Variants in CEP128 observed in about 807,000 individuals in gnomAD.
The protein encoded by CEP128 is centrosomal protein 128kDa.
Under a neutral mutation model 156.7 loss-of-function variants are expected in CEP128, and 132 were observed. The observed-to-expected ratio is 0.84, with a 90% confidence interval of 0.73 to 0.97. CEP128 has a LOEUF of 0.97. CEP128 is among the 50% of genes least tolerant of loss of function. The pLI is 0.00. For missense variants in CEP128, 1,252 were observed against 1,281.9 expected, an observed-to-expected ratio of 0.98 and a Z score of 0.36; for synonymous variants, 469 against 448.9, an observed-to-expected ratio of 1.04 and a Z score of -0.57.
At chr14:80,482,147 A>G (rs1297643078) in intron 14 of CEP128, among the ~76,000 whole-genome samples, 2 of 152,152 alleles carry the variant, frequency 1.3e-5, no homozygotes, top group Admixed American at 1.3e-4. Context: ...TTCACTAAAT[A>G]TTGACATTTA....
At chr14:80,702,222 G>A (rs893634321) in intron 19 of CEP128, among the ~76,000 whole-genome samples, 1 of 152,036 alleles carries the variant, frequency 6.6e-6, no homozygotes, top group Admixed American at 6.6e-5. Flanking sequence ...TTCTAGTTTC[G>A]AAAATAGAGC....
intron 14 of CEP128, among the ~76,000 whole-genome samples, chr14:80,483,844 G>C (rs898183944): frequency 6.6e-6 from 1 of 152,128 alleles, no homozygotes; most frequent in African/African-American, 2.4e-5. Flanking sequence ...TGCTTTCTAG[G>C]TACCATTAGT....
intron 9 of CEP128, among the ~76,000 whole-genome samples, chr14:80,856,715 CTTTTCTTTTTTTTT>C (rs904096745): frequency 4.1e-5 from 3 of 73,204 alleles, no homozygotes; most frequent in African/African-American, 1.6e-4. Flanking sequence ...TCATGTTTTT[CTTTTCTTTTTTTTT>C]TTTTTTTTTT....
intron 21 of CEP128, among the ~76,000 whole-genome samples, chr14:80,539,177 G>C (rs1889624841): frequency 6.6e-6 from 1 of 152,194 alleles, no homozygotes; most frequent in South Asian, 2.1e-4. Flanking sequence ...AAATGGGAGA[G>C]AAACTAACAT....
intron 6 of CEP128, among the ~76,000 whole-genome samples, chr14:80,901,447 T>C (rs1398817103): frequency 3.3e-5 from 5 of 152,322 alleles, no homozygotes; most frequent in East Asian, 1.9e-4. Context: ...GAGAAGTGGC[T>C]CAAAATCTGA....
intron 19 of CEP128, among the ~76,000 whole-genome samples, chr14:80,622,836 T>C (rs1259268627): frequency 5.4e-5 from 8 of 148,706 alleles, no homozygotes; most frequent in African/African-American, 9.9e-5. Flanking sequence ...TGTGGAGAAA[T>C]AGGAACACTT....
At chr14:80,862,543 A>G (rs534672666) in intron 9 of CEP128, among the ~76,000 whole-genome samples, 164 of 152,330 alleles carry the variant, frequency 1.1e-3, no homozygotes, top group Non-Finnish European at 1.5e-3. Flanking sequence ...ACTAGCGCCT[A>G]GAGAAGTTAA....
intron 14 of CEP128, among the ~76,000 whole-genome samples, chr14:80,786,749 G>C (rs1323705668): frequency 1.3e-5 from 2 of 152,182 alleles, no homozygotes; most frequent in Non-Finnish European, 2.9e-5. Context: ...CAAAAAGTTG[G>C]AGTAGAATTT....
intron 19 of CEP128, among the ~76,000 whole-genome samples, chr14:80,613,694 C>T (rs1893100319): frequency 6.6e-6 from 1 of 152,026 alleles, no homozygotes; most frequent in Non-Finnish European, 1.5e-5. Context: ...TCCCCATCTC[C>T]CTATATGTAC....
chr14:80,762,174 T>C lies in CEP128; in HGVS notation c.2377-561A>G, dbSNP rs1200536285. Reference sequence around the variant, plus strand: ...TGATAAAAGAAAGATGAAGGTACTTTTCATCTTGTCATTATATACTTAAAG... The same window carrying C: ...TGATAAAAGAAAGATGAAGGTACTTCTCATCTTGTCATTATATACTTAAAG... On this transcript the variant is annotated intron_variant, in intron 16 of 24. Transcript: ENST00000555265. 2.6e-5 allele frequency among the ~76,000 whole-genome samples: 4 copies of C among 152,186 alleles called. No individual in the cohort carries two copies. In the East Asian group the frequency reaches 7.7e-4, roughly 29 times the overall value.
At chr14:80,663,266 A>C (rs1328314399) in intron 19 of CEP128, among the ~76,000 whole-genome samples, 1 of 152,154 alleles carries the variant, frequency 6.6e-6, no homozygotes, top group East Asian at 1.9e-4. Flanking sequence ...ATGTCCACAA[A>C]TATTTTATTG....
At chr14:80,931,346 A>G (rs1160136268) in intron 2 of CEP128, among the ~76,000 whole-genome samples, 1 of 152,190 alleles carries the variant, frequency 6.6e-6, no homozygotes, top group African/African-American at 2.4e-5. Flanking sequence ...TCCATGGAGA[A>G]ATGCTGGGTA....
rs371991770 is a variant in CEP128 at position 80,767,937 on chromosome 14, T to C, written c.2377-6324A>G. On this transcript the variant is annotated intron_variant, in intron 16 of 24. Transcript: ENST00000555265. Reference sequence around the variant, plus strand: ...GTCTGTCTCCTCATCAGACTGTGAGTACCTCTAATGTGAAGATCTTATCCT... The same window carrying C: ...GTCTGTCTCCTCATCAGACTGTGAGCACCTCTAATGTGAAGATCTTATCCT... Among the ~76,000 whole-genome samples the C allele has an allele frequency of 2.1e-4, 32 of 152,248 alleles. 5 individuals are homozygous for C. The highest frequency in any genetic ancestry group is 9.2e-4 in the Admixed American group (14 of 15,286).
intron 13 of CEP128, among the ~76,000 whole-genome samples, chr14:80,817,021 G>A (rs1332102538): frequency 6.7e-6 from 1 of 149,038 alleles, no homozygotes; most frequent in Non-Finnish European, 1.5e-5. Flanking sequence ...GCTAAAAATT[G>A]AGTGAGATAT....
intron 10 of CEP128, 92 bp downstream of exon 10, chr14:80,840,590 A>G (rs1886303309): frequency 1.3e-6 from 1 of 765,734 alleles, no homozygotes; most frequent in Non-Finnish European, 2.2e-6. Flanking sequence ...ACAATGTTCT[A>G]AAGGATCCTG....
chr14:80,718,472 A>G (rs546624694), intron 19 of CEP128, among the ~76,000 whole-genome samples: 2 of 152,334 alleles, frequency 1.3e-5, no homozygotes, highest in African/African-American at 4.8e-5. Flanking sequence ...CAAGTTTACA[A>G]CCATTTTGTA....
At chr14:80,685,091 T>C (rs1031640125) in intron 19 of CEP128, among the ~76,000 whole-genome samples, 1 of 152,128 alleles carries the variant, frequency 6.6e-6, no homozygotes, top group Non-Finnish European at 1.5e-5. Flanking sequence ...ATAGAAGTTC[T>C]AGCCAAAGCA....
At position 80,837,053 on chromosome 14, in the gene CEP128, T is replaced by G. The variant is rs886695193; in HGVS notation, c.925-716A>C. On this transcript the variant is annotated intron_variant, in intron 11 of 24. Coordinates refer to ENST00000555265, the MANE Select transcript of CEP128 (RefSeq NM_152446.5). ...CTTCCAAAAAGGAAAGTTTGAACTC[T>G]GCCAAAATTAATTCCATGTGACCAC... Among the ~76,000 whole-genome samples, 4 of 152,346 alleles carry G rather than the reference T, an allele frequency of 2.6e-5. No individual in the cohort carries two copies. The South Asian group carries it at 8.3e-4, about 32-fold the overall frequency.
chr14:80,498,734 G>A (rs1887606385), intron 24 of CEP128, among the ~76,000 whole-genome samples: 1 of 152,122 alleles, frequency 6.6e-6, no homozygotes, highest in Admixed American at 6.6e-5. Context: ...CATTTTAAAT[G>A]ATTTGTTTAC....
Sources: gnomAD v4.1 joint callset for allele counts (sites outside exome capture counted in the v4.1 genomes callset) on GRCh38, gnomAD v4.1.1 for gene constraint, MANE v1.5 for transcripts, NCBI Gene and HGNC (gene_info 2026-07-23, HGNC 2026-07-21) for gene names.